KIAA1217: variants seen among roughly 807,000 people sequenced by gnomAD.
The protein encoded by KIAA1217 is KIAA1217.
Under a neutral mutation model 163.9 loss-of-function variants are expected in KIAA1217, and 88 were observed. That is an observed-to-expected ratio of 0.54 (90% CI 0.45 to 0.64). The LOEUF (loss-of-function observed/expected upper bound fraction) is 0.64, where lower values mean the gene tolerates loss of function less well. Among genes scored for constraint, KIAA1217 ranks in the 30% least tolerant of loss-of-function variants. The pLI is 0.00. For missense variants in KIAA1217, 2,372 were observed against 2,475.0 expected, an observed-to-expected ratio of 0.96 and a Z score of 0.88; for synonymous variants, 903 against 923.1, an observed-to-expected ratio of 0.98 and a Z score of 0.39.
At position 23,813,370 on chromosome 10, in the gene KIAA1217, A is replaced by AT. The variant is rs1004034119; in HGVS notation, c.-321+118143dup. Among the ~76,000 whole-genome samples, 14 of 151,898 alleles carry AT rather than the reference A, an allele frequency of 9.2e-5. No individual in the cohort carries two copies. In the South Asian group the frequency reaches 1.5e-3, roughly 16 times the overall value. ...AAAATAAATAATTCCTTTTTTTGCT[A>AT]TTTTTTTGTTTTGTGTCACTATAGT... On this transcript the variant is annotated intron_variant, in intron 1 of 18. Coordinates refer to the KIAA1217 transcript ENST00000376462.
intron 1 of KIAA1217, among the ~76,000 whole-genome samples, chr10:23,748,944 T>A (rs1839576895): frequency 6.6e-6 from 1 of 152,208 alleles, no homozygotes; most frequent in African/African-American, 2.4e-5. Context: ...CTTGACTTCC[T>A]CAATACTAGT....
intron 5 of KIAA1217, among the ~76,000 whole-genome samples, chr10:24,450,392 C>A (rs1312963303): frequency 2.6e-5 from 4 of 152,180 alleles, no homozygotes; most frequent in Non-Finnish European, 5.9e-5. Context: ...TATAACAAAT[C>A]TCTTATAGCA....
intron 3 of KIAA1217, among the ~76,000 whole-genome samples, chr10:24,393,167 C>T (rs2055215063): frequency 6.6e-6 from 1 of 152,142 alleles, no homozygotes; most frequent in East Asian, 1.9e-4. Flanking sequence ...GCAGTGGCCT[C>T]CAGAAGGCTG....
intron 2 of KIAA1217, among the ~76,000 whole-genome samples, chr10:24,060,001 T>C (rs1384616201): frequency 6.6e-6 from 1 of 152,348 alleles, no homozygotes; most frequent in Middle Eastern, 3.4e-3. Flanking sequence ...TAGTCCCTTA[T>C]GATCCTTTTT....
chr10:23,976,107 T>G (rs1845530837), intron 1 of KIAA1217, among the ~76,000 whole-genome samples: 1 of 152,172 alleles, frequency 6.6e-6, no homozygotes, highest in Admixed American at 6.5e-5. Flanking sequence ...ATCCTCTCAC[T>G]TTTTGATGAA....
chr10:24,541,850 T>C (rs2075145838), intron 17 of KIAA1217, among the ~76,000 whole-genome samples: 1 of 152,238 alleles, frequency 6.6e-6, no homozygotes, highest in African/African-American at 2.4e-5. Flanking sequence ...CCGTCACCAA[T>C]GTAACCTCAA....
At chr10:24,055,970 A>T (rs188148885) in intron 2 of KIAA1217, among the ~76,000 whole-genome samples, 1,789 of 151,610 alleles carry the variant, frequency 0.012, 29 homozygotes, top group Non-Finnish European at 0.013. Flanking sequence ...AAAAAAAAAA[A>T]TACCCCAAAT....
At chr10:23,946,333 T>C (rs1445191911) in intron 1 of KIAA1217, among the ~76,000 whole-genome samples, 1 of 151,352 alleles carries the variant, frequency 6.6e-6, no homozygotes, top group Non-Finnish European at 1.5e-5. Flanking sequence ...AAAGAGCTAT[T>C]TGGCATATAG....
intron 1 of KIAA1217, among the ~76,000 whole-genome samples, chr10:23,999,493 C>T (rs981140593): frequency 5.9e-5 from 9 of 152,170 alleles, no homozygotes; most frequent in Non-Finnish European, 1.0e-4. Context: ...ATCTTGAGTC[C>T]TTCCCTCAGG....
intron 5 of KIAA1217, among the ~76,000 whole-genome samples, chr10:24,461,064 T>G (rs2062355657): frequency 6.6e-6 from 1 of 152,180 alleles, no homozygotes; most frequent in Non-Finnish European, 1.5e-5. Context: ...CAAGTTGACA[T>G]CTGCCATTCC....
chr10:24,199,696 G>A (rs2067158472), intron 2 of KIAA1217, among the ~76,000 whole-genome samples: 1 of 152,162 alleles, frequency 6.6e-6, no homozygotes, highest in Non-Finnish European at 1.5e-5. Context: ...GTGTGTGTAT[G>A]TGTCTGTTTT....
At position 23,867,659 on chromosome 10, in the gene KIAA1217, G is replaced by C. The variant is rs551054265; in HGVS notation, c.-320-139566G>C. Among the ~76,000 whole-genome samples, 4 of 152,272 alleles carry C rather than the reference G, an allele frequency of 2.6e-5. No homozygotes were observed. In the South Asian group the frequency reaches 8.3e-4, roughly 32 times the overall value. ...CTGCATAAATATCTTCTTTTGAGAA[G>C]TGTCTGTTCATGTCCTTCGCCTACT... On this transcript the variant is annotated intron_variant, in intron 1 of 18. Coordinates refer to the KIAA1217 transcript ENST00000376462.
chr10:24,113,966 G>A (rs2062954183), intron 2 of KIAA1217, among the ~76,000 whole-genome samples: 1 of 152,190 alleles, frequency 6.6e-6, no homozygotes, highest in African/African-American at 2.4e-5. Flanking sequence ...TCTAATCATG[G>A]GAGTCCTGTG....
intron 2 of KIAA1217, among the ~76,000 whole-genome samples, chr10:24,229,439 T>C (rs2131048085): frequency 6.6e-6 from 1 of 152,362 alleles, no homozygotes; most frequent in East Asian, 1.9e-4. Flanking sequence ...CCACATGTAG[T>C]AGAAGCAGCT....
intron 1 of KIAA1217, among the ~76,000 whole-genome samples, chr10:23,755,025 C>T (rs41514552): frequency 0.02 from 2,983 of 152,090 alleles, 50 homozygotes; most frequent in South Asian, 0.097. Flanking sequence ...AACCGAATTT[C>T]ATCTTCATTA....
At chr10:23,989,847 G>A (rs1043376912) in intron 1 of KIAA1217, among the ~76,000 whole-genome samples, 1 of 152,182 alleles carries the variant, frequency 6.6e-6, no homozygotes, top group African/African-American at 2.4e-5. Context: ...TAATTCTACT[G>A]CACACACTAG....
At chr10:23,825,546 A>C (rs992777171) in intron 1 of KIAA1217, among the ~76,000 whole-genome samples, 17 of 152,182 alleles carry the variant, frequency 1.1e-4, no homozygotes, top group African/African-American at 4.1e-4. Flanking sequence ...TTGGTTATTA[A>C]ACCACATACA....
rs12256725 is a variant in KIAA1217 at position 24,150,081 on chromosome 10, G to A, written c.-170-69545G>A. 3.1e-3 allele frequency among the ~76,000 whole-genome samples: 466 copies of A among 152,130 alleles called. 1 individual carries two copies. Among genetic ancestry groups the A allele is most frequent in the African/African-American group, 0.01 (435 of 41,510 alleles). On this transcript the variant is annotated intron_variant, in intron 2 of 18. Transcript: ENST00000376462. ...TGCCCAGCGTAGAGTGCAATGGCGC[G>A]ATCTCAGCTCACTGCAACCTCTGTC...
intron 2 of KIAA1217, among the ~76,000 whole-genome samples, chr10:24,056,201 G>C (rs1221952172): frequency 6.6e-6 from 1 of 152,070 alleles, no homozygotes; most frequent in East Asian, 1.9e-4. Flanking sequence ...CAATTAAATT[G>C]GGTGTAGTTC....
Sources: gnomAD v4.1 joint callset for allele counts (sites outside exome capture counted in the v4.1 genomes callset) on GRCh38, gnomAD v4.1.1 for gene constraint, MANE v1.5 for transcripts, NCBI Gene and HGNC (gene_info 2026-07-23, HGNC 2026-07-21) for gene names.